The following VPS13C variants were observed in gnomAD, a reference collection of about 807,000 sequenced individuals.
VPS13C encodes intermembrane lipid transfer protein VPS13C.
In VPS13C, 358 loss-of-function variants were observed where a neutral mutation model predicts 456.8. The observed-to-expected ratio is 0.78, with a 90% CI of 0.72 to 0.86. The LOEUF is 0.86. VPS13C is among the 40% of genes least tolerant of loss of function. The pLI is 0.00. For synonymous variants in VPS13C, 1,578 were observed against 1,486.7 expected, an observed-to-expected ratio of 1.06 and a Z score of -1.41; for missense variants, 4,818 against 4,385.4, an observed-to-expected ratio of 1.10 and a Z score of -2.79.
intron 65 of VPS13C, among the ~76,000 whole-genome samples, chr15:61,907,914 C>A (rs1278058757): frequency 9.9e-5 from 15 of 152,108 alleles, no homozygotes; most frequent in Admixed American, 5.9e-4. Context: ...ATTACTGTGA[C>A]CAGCTAAGCT....
chr15:61,873,412 A>C lies in VPS13C; in HGVS notation c.10415-3T>G, dbSNP rs751009111. ...AGATACAACTCCTGCTGCACCACCT[A>C]TCAAAGACAAGGGATTAATTTCTAG... On this transcript the variant is annotated splice_polypyrimidine_tract_variant and splice_region_variant and intron_variant, in intron 77 of 84. Transcript: ENST00000644861. 2 of 1,613,110 alleles carry C rather than the reference A, an allele frequency of 1.2e-6. No homozygotes were observed. The highest frequency in any genetic ancestry group is 2.7e-5 in the African/African-American group (2 of 74,882).
chr15:61,922,558 T>C lies in VPS13C; in HGVS notation c.6814A>G (p.Ile2272Val), dbSNP rs1238362081. 1.2e-6 allele frequency: 2 copies of C among 1,614,028 alleles called. No homozygotes were observed. The highest frequency in any genetic ancestry group is 1.3e-5 in the African/African-American group (1 of 74,944). ...ESFKGIEHSL[I>V]EENCGVVVES... Reference sequence around the variant, plus strand: ...ACAACAACACCACAATTTTCCTCTATCAGTGAATGTTCAATGCCTTTGAAG... The same window carrying C: ...ACAACAACACCACAATTTTCCTCTACCAGTGAATGTTCAATGCCTTTGAAG... The change falls in exon 54 of 85, where the codon ATA becomes GTA. Residue 2272 changes from isoleucine (I) to valine (V), a missense_variant. Around this residue, in one of 3 missense-constraint regions of VPS13C, gnomAD observed 4,552 missense variants for 4,130.6 expected, o/e 1.10. Transcript: ENST00000644861.
intron 42 of VPS13C, among the ~76,000 whole-genome samples, chr15:61,947,624 C>A (rs2044651202): frequency 6.6e-6 from 1 of 151,950 alleles, no homozygotes; most frequent in African/African-American, 2.4e-5. Flanking sequence ...TATATTAGAA[C>A]TCTAGAATTC....
intron 3 of VPS13C, among the ~76,000 whole-genome samples, chr15:62,037,225 ATAT>A (rs2048035955): frequency 1.2e-5 from 1 of 81,734 alleles, no homozygotes; most frequent in Non-Finnish European, 2.2e-5. Flanking sequence ...ATTATATAAT[ATAT>A]TATATATAAA....
intron 22 of VPS13C, among the ~76,000 whole-genome samples, chr15:61,981,140 C>T (rs2045873459): frequency 3.3e-5 from 5 of 152,142 alleles, no homozygotes; most frequent in Non-Finnish European, 7.4e-5. Context: ...AATCACCCTA[C>T]CACTACAGAA....
At chr15:61,973,628 G>C in intron 25 of VPS13C, 96 bp from the exon 26 acceptor site, 1 of 881,840 alleles carries the variant, frequency 1.1e-6, no homozygotes, top group Non-Finnish European at 1.9e-6. Context: ...AGAGGATAAA[G>C]AGATATGGAA....
Position 61,867,264 on chromosome 15 carries a change from G to A in VPS13C, c.10863+1395C>T. On this transcript the variant is annotated intron_variant, in intron 81 of 84. Coordinates refer to ENST00000644861, the MANE Select transcript of VPS13C (RefSeq NM_020821.3). The surrounding 1 kb of genome is among the most constrained non-coding windows in gnomAD (Gnocchi z 5.0). ...ATTTTTGAAAAGCAGAAATGCTAAA[G>A]GCTGAAAATGTATATAACATAATTA... 1.0e-6 allele frequency: 1 copy of A among 984,028 alleles called. No homozygotes were observed. The highest frequency in any genetic ancestry group is 1.2e-6 in the Non-Finnish European group (1 of 828,772). The allele number at this position is 984,028 out of a possible 1,614,324, so 61.0% of individuals were successfully genotyped here. A position where few individuals can be genotyped will look rare whatever the true frequency, so the allele number is the denominator to read the frequency against.
At position 61,950,969 on chromosome 15, in the gene VPS13C, G is replaced by A; in HGVS notation, c.4512C>T (p.Pro1504=). Reference sequence around the variant, plus strand: ...CCTTTGTCAGTAACATTTTCAGAAGGGGTTCGTCAGTCACATTAGAAGAGT... The same window carrying A: ...CCTTTGTCAGTAACATTTTCAGAAGAGGTTCGTCAGTCACATTAGAAGAGT... ...IINSSNVTDE[P]LLKMLLTKAD... Residue 1504 remains proline (P), a synonymous_variant, in exon 40 of 85, where the codon CCC becomes CCT. Transcript: ENST00000644861. The A allele has an allele frequency of 6.2e-7, 1 of 1,602,790 alleles. No homozygotes were observed. The highest frequency in any genetic ancestry group is 8.5e-7 in the Non-Finnish European group (1 of 1,175,156).
At chr15:61,933,897 A>T (rs144155374) in intron 49 of VPS13C, among the ~76,000 whole-genome samples, 393 of 152,156 alleles carry the variant, frequency 2.6e-3, no homozygotes, top group South Asian at 0.015. Flanking sequence ...ATATATATAT[A>T]GCTATGTAAT....
At chr15:61,948,595 A>T (rs563304822) in intron 42 of VPS13C, among the ~76,000 whole-genome samples, 28 of 152,054 alleles carry the variant, frequency 1.8e-4, no homozygotes, top group Non-Finnish European at 3.2e-4. Flanking sequence ...AGGCAAGAAA[A>T]TTGCTTGAAC....
intron 1 of VPS13C, among the ~76,000 whole-genome samples, chr15:62,050,302 A>G (rs2048574192): frequency 6.6e-6 from 1 of 152,222 alleles, no homozygotes; most frequent in African/African-American, 2.4e-5. Context: ...CAGATAAGGA[A>G]ATTCTGTGAA....
At chr15:61,861,620 A>G (rs981964762) in intron 82 of VPS13C, among the ~76,000 whole-genome samples, 4 of 152,188 alleles carry the variant, frequency 2.6e-5, no homozygotes, top group African/African-American at 4.8e-5. Flanking sequence ...CTGGAGGATC[A>G]CTTGAGTCCA....
In VPS13C at chr15:62,018,494, G is replaced by A. The variant is rs1596484522; in HGVS notation, c.684+1985C>T. ...CTAATCTATTGAGAGTTTTTAGCAT[G>A]AAGGGCTGTTGAATTTTGTCAAAGG... On this transcript the variant is annotated intron_variant, in intron 9 of 84. Transcript: ENST00000644861. Among the ~76,000 whole-genome samples the A allele has an allele frequency of 1.3e-5, 2 of 151,790 alleles. 1 individual carries two copies. The highest frequency in any genetic ancestry group is 1.3e-4 in the Admixed American group (2 of 15,216).
At chr15:62,048,085 T>C (rs2048481982) in intron 1 of VPS13C, among the ~76,000 whole-genome samples, 1 of 150,420 alleles carries the variant, frequency 6.6e-6, no homozygotes, top group Non-Finnish European at 1.5e-5. Flanking sequence ...TTTTTTTTCA[T>C]TTGTTCTCAT....
intron 55 of VPS13C, 66 bp from the exon 56 acceptor site, chr15:61,920,713 G>A: frequency 1.4e-6 from 2 of 1,449,636 alleles, no homozygotes; most frequent in Non-Finnish European, 1.8e-6. Context: ...AAAAATGCTG[G>A]AGTTCAGTTC....
At chr15:61,910,419 G>A (rs2043271442) in intron 63 of VPS13C, 114 bp from the exon 64 acceptor site, 1 of 879,858 alleles carries the variant, frequency 1.1e-6, no homozygotes, top group Non-Finnish European at 1.5e-6. Context: ...TTATTATGAA[G>A]TTTCTAAAAA....
chr15:61,903,407 A>G (rs2043063062), intron 66 of VPS13C, among the ~76,000 whole-genome samples: 2 of 151,136 alleles, frequency 1.3e-5, no homozygotes, highest in Non-Finnish European at 1.5e-5. Flanking sequence ...AGAAAGCAAT[A>G]CCATTTACAA....
chr15:61,869,414 CA>C, intron 80 of VPS13C, 85 bp downstream of exon 80: 2 of 1,430,098 alleles, frequency 1.4e-6, no homozygotes, highest in African/African-American at 2.8e-5. Context: ...TCCTTAGGAG[CA>C]GGCAAATAAT....
intron 39 of VPS13C, 29 bp downstream of exon 39, chr15:61,951,795 A>G: frequency 6.3e-7 from 1 of 1,588,928 alleles, no homozygotes; most frequent in Non-Finnish European, 8.6e-7. Context: ...CCTAATGAAT[A>G]ATTTACACAG....
Sources: gnomAD v4.1 joint callset for allele counts (sites outside exome capture counted in the v4.1 genomes callset) on GRCh38, gnomAD v4.1.1 for gene constraint, gnomAD v4.1.1 regional missense constraint, Gnocchi (gnomAD v3.1) non-coding constraint, MANE v1.5 for transcripts, NCBI Gene and HGNC (gene_info 2026-07-23, HGNC 2026-07-21) for gene names.